Variants in VPS13B observed in about 807,000 individuals in gnomAD.
VPS13B encodes the protein vacuolar protein sorting 13 homolog B, also known as intermembrane lipid transfer protein VPS13B.
Under a neutral mutation model 426.4 loss-of-function variants are expected in VPS13B, and 285 were observed. That is an observed-to-expected ratio of 0.67 (90% CI 0.61 to 0.74). The LOEUF (loss-of-function observed/expected upper bound fraction) is 0.74, where lower values mean the gene tolerates loss of function less well. Among genes scored for constraint, VPS13B ranks in the 30% least tolerant of loss-of-function variants. The pLI is 0.00. For missense variants in VPS13B, 4,537 were observed against 4,782.6 expected (o/e 0.95, Z 1.51); for synonymous variants, 1,676 against 1,676.4 (o/e 1.00, Z 0.01).
chr8:99,063,619 A>G (rs1344241357), intron 3 of VPS13B, among the ~76,000 whole-genome samples: 2 of 152,134 alleles, frequency 1.3e-5, no homozygotes, highest in Non-Finnish European at 2.9e-5. Flanking sequence ...CTGCTGCCTC[A>G]TAGACTCCAC....
intron 35 of VPS13B, among the ~76,000 whole-genome samples, chr8:99,670,090 T>A (rs1414031724): frequency 6.6e-6 from 1 of 152,098 alleles, no homozygotes; most frequent in South Asian, 2.1e-4. Flanking sequence ...ATGTATTTTT[T>A]GAGTGCTTTT....
intron 22 of VPS13B, among the ~76,000 whole-genome samples, chr8:99,441,424 T>TA (rs1229484643): frequency 1.3e-5 from 2 of 152,110 alleles, no homozygotes; most frequent in African/African-American, 4.8e-5. Context: ...ATGTATGAAT[T>TA]AAAAAAATTA....
chr8:99,065,797 C>T (rs1339755905), intron 3 of VPS13B, among the ~76,000 whole-genome samples: 4 of 152,198 alleles, frequency 2.6e-5, no homozygotes, highest in Non-Finnish European at 5.9e-5. Flanking sequence ...TGATAAGCAA[C>T]TTCAGCAAAG....
intron 36 of VPS13B, among the ~76,000 whole-genome samples, chr8:99,704,215 G>A (rs1420318853): frequency 1.3e-5 from 2 of 152,160 alleles, no homozygotes; most frequent in Non-Finnish European, 2.9e-5. Flanking sequence ...AAAGTAGAGA[G>A]AGAAAGCATA....
chr8:99,394,417 G>A (rs1357491201), intron 21 of VPS13B, among the ~76,000 whole-genome samples: 4 of 152,170 alleles, frequency 2.6e-5, no homozygotes, highest in African/African-American at 9.7e-5. Flanking sequence ...TTAAGTGGCT[G>A]GCTACAGGGG....
At chr8:99,353,127 A>G (rs1210586839) in intron 19 of VPS13B, among the ~76,000 whole-genome samples, 1 of 151,828 alleles carries the variant, frequency 6.6e-6, no homozygotes, top group Non-Finnish European at 1.5e-5. Context: ...GATTAGAGGC[A>G]TGTTCCACCA....
At chr8:99,542,401 G>T (rs1477159813) in intron 30 of VPS13B, among the ~76,000 whole-genome samples, 1 of 152,170 alleles carries the variant, frequency 6.6e-6, no homozygotes, top group Non-Finnish European at 1.5e-5. Context: ...TGGAAGAGTT[G>T]GAAATAGGTG....
At chr8:99,087,170 C>T (rs1845863698) in intron 3 of VPS13B, among the ~76,000 whole-genome samples, 1 of 152,202 alleles carries the variant, frequency 6.6e-6, no homozygotes, top group Non-Finnish European at 1.5e-5. Flanking sequence ...CGCCCCCTCC[C>T]CCAGCCTCGC....
At chr8:99,539,404 CA>C (rs1302580906) in intron 30 of VPS13B, among the ~76,000 whole-genome samples, 3 of 152,076 alleles carry the variant, frequency 2.0e-5, no homozygotes, top group Non-Finnish European at 4.4e-5. Flanking sequence ...TTAATGTCCA[CA>C]AAATATGAAT....
intron 19 of VPS13B, among the ~76,000 whole-genome samples, chr8:99,331,913 G>A (rs1005991643): frequency 2.0e-5 from 3 of 151,716 alleles, no homozygotes; most frequent in African/African-American, 7.2e-5. Context: ...GATAACTTTA[G>A]TAATTTAAGA....
chr8:99,035,150 T>A (rs918832931), intron 2 of VPS13B, among the ~76,000 whole-genome samples: 1 of 151,176 alleles, frequency 6.6e-6, no homozygotes, highest in Non-Finnish European at 1.5e-5. Flanking sequence ...GCCACTGCAC[T>A]CCAGCCTGGG....
intron 31 of VPS13B, among the ~76,000 whole-genome samples, chr8:99,566,754 G>T (rs1314670472): frequency 1.3e-5 from 2 of 151,962 alleles, no homozygotes; most frequent in Non-Finnish European, 2.9e-5. Flanking sequence ...CCCAGCCATG[G>T]TGTTTTCTTT....
intron 39 of VPS13B, among the ~76,000 whole-genome samples, chr8:99,761,461 A>G (rs552360553): frequency 6.6e-6 from 1 of 152,210 alleles, no homozygotes; most frequent in East Asian, 1.9e-4. Flanking sequence ...AGCAGTTCCC[A>G]TCTTGGACTG....
chr8:99,442,666 A>G, intron 23 of VPS13B, 31 bp downstream of exon 23: 2 of 1,585,790 alleles, frequency 1.3e-6, no homozygotes, highest in Non-Finnish European at 8.6e-7. Context: ...CCTATGGTTA[A>G]TGTTTTATAT....
At chr8:99,028,956 A>G (rs1302929665) in intron 2 of VPS13B, among the ~76,000 whole-genome samples, 12 of 114,468 alleles carry the variant, frequency 1.0e-4, no homozygotes, top group East Asian at 2.9e-4. Context: ...TGGCTGCCGG[A>G]CGGAGGGGCT....
intron 39 of VPS13B, among the ~76,000 whole-genome samples, chr8:99,740,829 A>G (rs1809676598): frequency 6.6e-6 from 1 of 152,116 alleles, no homozygotes; most frequent in Non-Finnish European, 1.5e-5. Flanking sequence ...GGAAGCACTA[A>G]ACATGGAAAG....
chr8:99,836,716 A>T (rs905344373), intron 54 of VPS13B, among the ~76,000 whole-genome samples: 1 of 152,246 alleles, frequency 6.6e-6, no homozygotes, highest in South Asian at 2.1e-4. Flanking sequence ...TGTAATGGTT[A>T]CAAACCATAT....
chr8:99,511,261 C>T lies in VPS13B; in HGVS notation c.4382C>T (p.Pro1461Leu). The T allele has an allele frequency of 1.2e-6, 2 of 1,614,068 alleles. No individual in the cohort carries two copies. The highest frequency in any genetic ancestry group is 2.2e-5 in the South Asian group (2 of 91,084). The stretch of plus-strand genomic sequence containing the variant: ...TCTGAAGGCCTAATGGATGGTTCTC[C>T]TCATTTTCTTCATGAAATTCTTCTT... ...KLSEGLMDGS[P>L]HFLHEILLSA... Residue 1461 changes from proline (P) to leucine (L), a missense_variant, in exon 29 of 62, where the codon CCT becomes CTT. Pro to Leu is a moderately conservative substitution (Grantham distance 98). This residue lies in a region of VPS13B where 4,311 missense variants were observed against 4,474.3 expected (regional missense o/e 0.96). Coordinates refer to ENST00000357162, the MANE Select transcript of VPS13B (RefSeq NM_152564.5).
At chr8:99,137,430 A>G (rs1378027061) in intron 12 of VPS13B, among the ~76,000 whole-genome samples, 1 of 152,050 alleles carries the variant, frequency 6.6e-6, no homozygotes, top group Non-Finnish European at 1.5e-5. Flanking sequence ...AAACCAAAGC[A>G]TTTCCCAAAG....
Sources: allele counts gnomAD v4.1 joint callset (sites outside exome capture counted in the v4.1 genomes callset), GRCh38; gene constraint gnomAD v4.1.1; regional missense constraint gnomAD v4.1.1; transcripts MANE v1.5; gene names NCBI Gene and HGNC (gene_info 2026-07-23, HGNC 2026-07-21).